The following IMMP1L variants were observed in gnomAD, a reference collection of about 807,000 sequenced individuals.
IMMP1L encodes mitochondrial inner membrane protease subunit 1.
In IMMP1L, 24 loss-of-function variants were observed where a neutral mutation model predicts 21.8. That is an observed-to-expected ratio of 1.10 (90% CI 0.80 to 1.55). The LOEUF (loss-of-function observed/expected upper bound fraction) is 1.55. Ranked by LOEUF, IMMP1L falls within the 40% of genes most tolerant of loss-of-function variation. The pLI is 0.00. For synonymous variants in IMMP1L, 46 were observed against 62.8 expected, an observed-to-expected ratio of 0.73 and a Z score of 1.26; for missense variants, 195 against 200.7, an observed-to-expected ratio of 0.97 and a Z score of 0.17.
chr11:31,476,016 T>C (rs1192363364), intron 1 of IMMP1L, among the ~76,000 whole-genome samples: 1 of 152,090 alleles, frequency 6.6e-6, no homozygotes, highest in African/African-American at 2.4e-5. Context: ...AAAATAAATA[T>C]ATAATACTAC....
chr11:31,449,569 A>G (rs1029093055), intron 4 of IMMP1L, among the ~76,000 whole-genome samples: 8 of 152,330 alleles, frequency 5.3e-5, no homozygotes, highest in Admixed American at 5.2e-4. Flanking sequence ...GTACATCCTG[A>G]TAACACTTAA....
chr11:31,446,588 C>T (rs1450609585), intron 4 of IMMP1L, among the ~76,000 whole-genome samples: 3 of 152,154 alleles, frequency 2.0e-5, no homozygotes. Context: ...CTTCTTACTA[C>T]TCATCCCTCC....
intron 4 of IMMP1L, among the ~76,000 whole-genome samples, chr11:31,435,136 T>C (rs1953076243): frequency 6.6e-6 from 1 of 152,192 alleles, no homozygotes; most frequent in Non-Finnish European, 1.5e-5. Flanking sequence ...AATAAAACCA[T>C]GTAGTTATGG....
At chr11:31,448,847 G>A (rs1953635505) in intron 4 of IMMP1L, 10 of 593,946 alleles carry the variant, frequency 1.7e-5, no homozygotes, top group Non-Finnish European at 2.1e-5. Context: ...TTATTCTTTA[G>A]TGTTGACATC....
chr11:31,432,927 C>G (rs756584770), intron 5 of IMMP1L, among the ~76,000 whole-genome samples: 18 of 152,146 alleles, frequency 1.2e-4, no homozygotes, highest in Non-Finnish European at 2.1e-4. Flanking sequence ...AATATGGCAT[C>G]TGTTTTAAAT....
intron 1 of IMMP1L, among the ~76,000 whole-genome samples, chr11:31,466,284 A>G (rs1954342975): frequency 1.3e-5 from 2 of 152,074 alleles, no homozygotes; most frequent in Non-Finnish European, 2.9e-5. Context: ...TGGAGAAAAG[A>G]AAATTCATAT....
In IMMP1L at chr11:31,463,209, G is replaced by A. The variant is rs765989596; in HGVS notation, c.68C>T (p.Ala23Val). 2.9e-5 allele frequency: 47 copies of A among 1,611,314 alleles called. No individual in the cohort carries two copies. Among genetic ancestry groups the A allele is most frequent in the Non-Finnish European group, 3.9e-5 (46 of 1,178,674 alleles). Reference protein sequence around the residue: ...VGYTIQYGCIAHCAFEYVGGV... With the variant: ...VGYTIQYGCIVHCAFEYVGGV... ...ACCAACGTATTCAAAAGCACAATGAGCTATACAGCCATATTGAATAGTATA... is the reference window on the plus strand; with the variant it reads ...ACCAACGTATTCAAAAGCACAATGAACTATACAGCCATATTGAATAGTATA... The change falls in exon 2 of 6, where the codon GCT (alanine) becomes GTT (valine). Residue 23 changes from alanine to valine, a missense_variant. By Grantham distance (64) the Ala-to-Val change is moderately conservative. Coordinates refer to ENST00000532287, the MANE Select transcript of IMMP1L (RefSeq NM_001304274.2).
At chr11:31,491,607 T>C (rs1430995774) in intron 1 of IMMP1L, among the ~76,000 whole-genome samples, 1 of 152,146 alleles carries the variant, frequency 6.6e-6, no homozygotes, top group African/African-American at 2.4e-5. Context: ...AAGAGATAAA[T>C]TGAGGAAGAA....
At chr11:31,496,302 T>C (rs552371622) in intron 1 of IMMP1L, among the ~76,000 whole-genome samples, 49 of 152,138 alleles carry the variant, frequency 3.2e-4, no homozygotes, top group Non-Finnish European at 6.5e-4. Flanking sequence ...AGGATGACTA[T>C]TATCAAAAAA....
chr11:31,442,832 T>C (rs1162725534), intron 4 of IMMP1L, among the ~76,000 whole-genome samples: 2 of 152,078 alleles, frequency 1.3e-5, no homozygotes, highest in Non-Finnish European at 2.9e-5. Flanking sequence ...TCAGATAGTC[T>C]TTTTTTGCTT....
intron 3 of IMMP1L, among the ~76,000 whole-genome samples, chr11:31,458,859 C>T (rs977584758): frequency 1.3e-5 from 2 of 152,124 alleles, no homozygotes; most frequent in African/African-American, 2.4e-5. Flanking sequence ...TATCTGAATG[C>T]AACGAGTAAT....
chr11:31,464,510 C>T (rs887562757), intron 1 of IMMP1L, among the ~76,000 whole-genome samples: 7 of 152,108 alleles, frequency 4.6e-5, no homozygotes, highest in African/African-American at 1.4e-4. Flanking sequence ...GCCAAAATCC[C>T]CAATGAGCTC....
At chr11:31,451,331 C>T (rs1256850381) in intron 4 of IMMP1L, among the ~76,000 whole-genome samples, 1 of 151,864 alleles carries the variant, frequency 6.6e-6, no homozygotes, top group African/African-American at 2.4e-5. Context: ...GCCAGAAAAT[C>T]GGAAGGGTAT....
intron 1 of IMMP1L, among the ~76,000 whole-genome samples, chr11:31,504,997 A>G (rs1955734931): frequency 6.6e-6 from 1 of 152,178 alleles, no homozygotes; most frequent in Non-Finnish European, 1.5e-5. Flanking sequence ...ACATGACCTT[A>G]GTATTCATTC....
chr11:31,485,881 T>TA (rs1030986756), intron 1 of IMMP1L, among the ~76,000 whole-genome samples: 1 of 151,796 alleles, frequency 6.6e-6, no homozygotes, highest in African/African-American at 2.4e-5. Flanking sequence ...AGAGCCATTA[T>TA]AAAAAAACTT....
intron 5 of IMMP1L, among the ~76,000 whole-genome samples, 191 bp downstream of exon 5, chr11:31,433,269 A>C: frequency 6.6e-6 from 1 of 152,194 alleles, no homozygotes; most frequent in East Asian, 1.9e-4. Context: ...TTTTATTATT[A>C]TCTCTATGGG....
intron 1 of IMMP1L, among the ~76,000 whole-genome samples, chr11:31,486,094 A>T (rs1955065695): frequency 6.6e-6 from 1 of 151,438 alleles, no homozygotes; most frequent in African/African-American, 2.4e-5. Context: ...TACGATAGAC[A>T]TGCAACTTTC....
chr11:31,474,902 G>A (rs532840302), intron 1 of IMMP1L, among the ~76,000 whole-genome samples: 24 of 152,176 alleles, frequency 1.6e-4, no homozygotes, highest in African/African-American at 5.5e-4. Context: ...ACATCACAGA[G>A]CTAATGAAAG....
intron 4 of IMMP1L, among the ~76,000 whole-genome samples, chr11:31,440,643 G>A (rs1451362235): frequency 2.0e-5 from 3 of 152,074 alleles, no homozygotes; most frequent in African/African-American, 7.2e-5. Context: ...TGCCCGCCTC[G>A]GCCTCCCCAA....
Sources: allele counts gnomAD v4.1 joint callset (sites outside exome capture counted in the v4.1 genomes callset), GRCh38; gene constraint gnomAD v4.1.1; transcripts MANE v1.5; gene names NCBI Gene and HGNC (gene_info 2026-07-23, HGNC 2026-07-21).